Variants in TRPM3 observed in about 807,000 individuals in gnomAD.
TRPM3 encodes the protein transient receptor potential cation channel subfamily M member 3.
Under a neutral mutation model 181.2 loss-of-function variants are expected in TRPM3, and 77 were observed. The observed-to-expected ratio is 0.42, with a 90% confidence interval of 0.35 to 0.51. TRPM3 has a LOEUF of 0.51. Ranked by LOEUF, TRPM3 falls within the 20% of genes least tolerant of loss-of-function variation. The pLI is 0.01. For missense variants in TRPM3, 1,759 were observed against 2,196.7 expected (o/e 0.80, Z 3.98); for synonymous variants, 745 against 796.4 (o/e 0.94, Z 1.09).
At chr9:71,279,055 AT>A (rs879421482) in intron 1 of TRPM3, among the ~76,000 whole-genome samples, 21,365 of 132,694 alleles carry the variant, frequency 0.16, 4,360 homozygotes, top group African/African-American at 0.19. Context: ...AAAAATAAAA[AT>A]AAAAATAAAA....
intron 1 of TRPM3, among the ~76,000 whole-genome samples, chr9:70,985,517 C>A (rs553695058): frequency 1.3e-5 from 2 of 152,120 alleles, no homozygotes; most frequent in South Asian, 4.2e-4. Flanking sequence ...CTGTATCAAC[C>A]AAGACATTTT....
At chr9:70,981,933 A>G (rs2097368528) in intron 1 of TRPM3, among the ~76,000 whole-genome samples, 1 of 152,194 alleles carries the variant, frequency 6.6e-6, no homozygotes, top group South Asian at 2.1e-4. Flanking sequence ...TAGGAGGTTT[A>G]TAAAATGTTC....
intron 3 of TRPM3, among the ~76,000 whole-genome samples, chr9:70,862,065 G>A (rs764768806): frequency 3.1e-4 from 47 of 152,040 alleles, no homozygotes; most frequent in Non-Finnish European, 5.7e-4. Flanking sequence ...CTTGTGGTCT[G>A]TAGTATGCTT....
intron 6 of TRPM3, among the ~76,000 whole-genome samples, chr9:70,808,430 C>A (rs1320943299): frequency 6.6e-6 from 1 of 152,168 alleles, no homozygotes; most frequent in East Asian, 1.9e-4. Context: ...AAAGGGAGGT[C>A]TTTAGCTTGA....
chr9:70,814,515 T>C (rs1320201386), intron 6 of TRPM3, among the ~76,000 whole-genome samples: 1 of 152,174 alleles, frequency 6.6e-6, no homozygotes, highest in African/African-American at 2.4e-5. Flanking sequence ...GGTAAAATAA[T>C]TTTGATTCTG....
chr9:71,080,448 A>G (rs527271747), intron 1 of TRPM3, among the ~76,000 whole-genome samples: 1 of 152,300 alleles, frequency 6.6e-6, no homozygotes, highest in South Asian at 2.1e-4. Context: ...CTAAGAAGGG[A>G]AGCCTTGTTC....
intron 1 of TRPM3, among the ~76,000 whole-genome samples, chr9:71,149,958 A>G (rs2075641793): frequency 2.0e-5 from 3 of 152,172 alleles, no homozygotes; most frequent in African/African-American, 4.8e-5. Flanking sequence ...TGGGTAACAG[A>G]GTAAGATCCT....
intron 1 of TRPM3, among the ~76,000 whole-genome samples, chr9:71,127,064 GA>G (rs1334637570): frequency 1.1e-5 from 1 of 91,178 alleles, no homozygotes; most frequent in African/African-American, 4.3e-5. Context: ...GAGTTTTTAG[GA>G]AAAAACAAAA....
At chr9:70,837,058 C>T (rs2094369091) in intron 5 of TRPM3, among the ~76,000 whole-genome samples, 1 of 152,168 alleles carries the variant, frequency 6.6e-6, no homozygotes, top group South Asian at 2.1e-4. Context: ...ATAATTATAA[C>T]AGATTTGGGC....
At chr9:71,104,750 C>T (rs988632229) in intron 1 of TRPM3, among the ~76,000 whole-genome samples, 6 of 152,082 alleles carry the variant, frequency 3.9e-5, no homozygotes, top group Admixed American at 3.3e-4. Flanking sequence ...TTTAACATCA[C>T]ATTACTCATT....
At chr9:71,098,086 G>C (rs911208409) in intron 1 of TRPM3, among the ~76,000 whole-genome samples, 1 of 152,102 alleles carries the variant, frequency 6.6e-6, no homozygotes, top group Admixed American at 6.6e-5. Context: ...TTCACTGTGT[G>C]ACAATAGCTG....
intron 1 of TRPM3, among the ~76,000 whole-genome samples, chr9:71,193,710 C>T (rs906495987): frequency 6.6e-6 from 1 of 151,926 alleles, no homozygotes; most frequent in African/African-American, 2.4e-5. Context: ...TTTCTATTCT[C>T]TTGTATTACT....
At chr9:71,045,961 G>A (rs886966930) in intron 1 of TRPM3, among the ~76,000 whole-genome samples, 1 of 151,604 alleles carries the variant, frequency 6.6e-6, no homozygotes, top group African/African-American at 2.4e-5. Flanking sequence ...CTTTCCAGGA[G>A]TGTCTACAGC....
At position 71,109,161 on chromosome 9, in the gene TRPM3, G is replaced by C. The variant is rs1397071467; in HGVS notation, c.177+12017C>G. The stretch of plus-strand genomic sequence containing the variant: ...TCTGGCTCTCCAGCCAACTTAAGCT[G>C]CAATTCTCTCCTGAGTCTTCAGCCT... On this transcript the variant is annotated intron_variant, in intron 1 of 25. Coordinates refer to ENST00000677713, the MANE Select transcript of TRPM3 (RefSeq NM_001366145.2). 2.0e-5 allele frequency among the ~76,000 whole-genome samples: 3 copies of C among 152,170 alleles called. No homozygotes were observed. In the East Asian group the frequency reaches 5.8e-4, roughly 29 times the overall value.
At chr9:71,206,286 T>G (rs10868980) in intron 1 of TRPM3, among the ~76,000 whole-genome samples, 1 of 151,884 alleles carries the variant, frequency 6.6e-6, no homozygotes, top group Non-Finnish European at 1.5e-5. Context: ...GAGATCGCCG[T>G]TCTAACTGGT....
intron 1 of TRPM3, among the ~76,000 whole-genome samples, chr9:70,969,859 G>A (rs921260111): frequency 3.3e-5 from 5 of 150,646 alleles, no homozygotes; most frequent in Admixed American, 2.0e-4. Context: ...CATACTGAAT[G>A]GTAACTCTTA....
intron 1 of TRPM3, among the ~76,000 whole-genome samples, chr9:71,020,427 A>G (rs1484173690): frequency 2.0e-5 from 3 of 151,736 alleles, no homozygotes; most frequent in Non-Finnish European, 4.4e-5. Context: ...ATGCTGAACC[A>G]TGTCTGTGCC....
At chr9:70,567,961 TGAGAG>T (rs2051092641) in intron 22 of TRPM3, among the ~76,000 whole-genome samples, 1 of 151,598 alleles carries the variant, frequency 6.6e-6, no homozygotes, top group African/African-American at 2.4e-5. Context: ...AAGAGAGAGA[TGAGAG>T]AGAAAAAAAG....
intron 8 of TRPM3, among the ~76,000 whole-genome samples, chr9:70,698,006 G>A (rs374478980): frequency 2.0e-5 from 3 of 152,046 alleles, no homozygotes; most frequent in South Asian, 2.1e-4. Context: ...TCAGGAGTTC[G>A]AGACCAGCCT....
Sources: gnomAD v4.1 joint callset for allele counts (sites outside exome capture counted in the v4.1 genomes callset) on GRCh38, gnomAD v4.1.1 for gene constraint, MANE v1.5 for transcripts, NCBI Gene and HGNC (gene_info 2026-07-23, HGNC 2026-07-21) for gene names.